Variants in LOC400499 observed in about 807,000 individuals in gnomAD.
chr16:11,373,622 G>C, the LOC400499 span, among the ~76,000 whole-genome samples: 1 of 151,936 alleles, frequency 6.6e-6, no homozygotes, highest in Admixed American at 6.6e-5. Flanking sequence ...ACCATGCCCA[G>C]CTATTTATAT....
At chr16:11,463,770 T>C in the LOC400499 span, among the ~76,000 whole-genome samples, 6 of 152,188 alleles carry the variant, frequency 3.9e-5, no homozygotes, top group Non-Finnish European at 8.8e-5. Flanking sequence ...TATATGAACG[T>C]ATATACAGAT....
the LOC400499 span, among the ~76,000 whole-genome samples, chr16:11,486,404 GTGAATAGA>G: frequency 1.0e-5 from 1 of 100,246 alleles, no homozygotes; most frequent in African/African-American, 4.6e-5. Flanking sequence ...AATGGATTGA[GTGAATAGA>G]TGGATGGATG....
At chr16:11,390,608 G>A in the LOC400499 span, 2 of 609,486 alleles carry the variant, frequency 3.3e-6, no homozygotes, top group Non-Finnish European at 4.8e-6. Context: ...CAGAGCAGTG[G>A]CACTGGAGAT....
the LOC400499 span, among the ~76,000 whole-genome samples, chr16:11,509,965 A>G: frequency 6.8e-6 from 1 of 146,348 alleles, no homozygotes; most frequent in Non-Finnish European, 1.5e-5. Flanking sequence ...GAGAGGGGGG[A>G]CTCATTTTAA....
At chr16:11,455,741 GAAA>G in the LOC400499 span, among the ~76,000 whole-genome samples, 1 of 131,744 alleles carries the variant, frequency 7.6e-6, no homozygotes, top group Non-Finnish European at 1.6e-5. Context: ...TCTCAAAAAA[GAAA>G]AAAAAAAAAA....
the LOC400499 span, among the ~76,000 whole-genome samples, chr16:11,426,987 A>G: frequency 1.5e-3 from 224 of 145,484 alleles, 1 homozygote; most frequent in African/African-American, 6.0e-3. Context: ...AATAAAAGAC[A>G]AACAATTTAA....
chr16:11,475,539 A>T, the LOC400499 span: 2 of 397,610 alleles, frequency 5.0e-6, no homozygotes, highest in Admixed American at 8.8e-5. Context: ...GCAGGAGAGC[A>T]ACTCTGGGAT....
the LOC400499 span, among the ~76,000 whole-genome samples, chr16:11,486,040 T>C: frequency 5.3e-5 from 8 of 150,970 alleles, no homozygotes; most frequent in African/African-American, 1.7e-4. Context: ...GGTAAATGGA[T>C]TGAGTGAATA....
chr16:11,388,768 C>T, the LOC400499 span, among the ~76,000 whole-genome samples: 1 of 152,240 alleles, frequency 6.6e-6, no homozygotes, highest in South Asian at 2.1e-4. Context: ...CTCTCCCTTG[C>T]AGGCATTCTG....
At chr16:11,383,723 G>A in the LOC400499 span, 12 of 1,232,346 alleles carry the variant, frequency 9.7e-6, no homozygotes, top group African/African-American at 1.7e-4. Flanking sequence ...CAGGCAGGCT[G>A]GAGCTCCTGG....
chr16:11,434,860 C>T, the LOC400499 span, among the ~76,000 whole-genome samples: 1 of 152,200 alleles, frequency 6.6e-6, no homozygotes, highest in African/African-American at 2.4e-5. Flanking sequence ...GGCTCCTGAG[C>T]ACCCCACCAT....
chr16:11,385,524 C>T, the LOC400499 span: 1 of 728,114 alleles, frequency 1.4e-6, no homozygotes, highest in Non-Finnish European at 1.9e-6. Flanking sequence ...TTGGCTTAGC[C>T]TGCCCTGAGG....
At chr16:11,468,278 T>A in the LOC400499 span, among the ~76,000 whole-genome samples, 8 of 152,174 alleles carry the variant, frequency 5.3e-5, no homozygotes, top group East Asian at 9.6e-4. Flanking sequence ...CTGCAGGAAA[T>A]TTGGGACATG....
At chr16:11,400,031 C>T in the LOC400499 span, among the ~76,000 whole-genome samples, 125 of 149,560 alleles carry the variant, frequency 8.4e-4, no homozygotes, top group African/African-American at 2.9e-3. Context: ...CAGAGCCATT[C>T]CCAGGCTGGA....
chr16:11,460,441 C>T, the LOC400499 span: 1 of 1,495,520 alleles, frequency 6.7e-7, no homozygotes, highest in East Asian at 2.5e-5. Flanking sequence ...GACTCTAGTG[C>T]TCTCTCCGGA....
chr16:11,525,266 TG>T, the LOC400499 span, among the ~76,000 whole-genome samples: 2 of 140,600 alleles, frequency 1.4e-5, no homozygotes, highest in African/African-American at 5.4e-5. Flanking sequence ...TATTCCAGCC[TG>T]GGTAGCAGAG....
the LOC400499 span, chr16:11,372,066 C>T: frequency 1.3e-5 from 2 of 152,224 alleles, no homozygotes; most frequent in Non-Finnish European, 1.5e-5. Flanking sequence ...GAAAAAGTTA[C>T]ATTCCCAAAA....
chr16:11,394,995 T>G, the LOC400499 span, among the ~76,000 whole-genome samples: 4,284 of 152,322 alleles, frequency 0.028, 220 homozygotes, highest in African/African-American at 0.097. Context: ...TGCAGAAGCA[T>G]GTCGATCTCT....
the LOC400499 span, among the ~76,000 whole-genome samples, chr16:11,379,381 C>A: frequency 1.8e-4 from 28 of 152,200 alleles, no homozygotes; most frequent in African/African-American, 6.5e-4. Flanking sequence ...ATAACTGTTA[C>A]ATCTTTTTGG....
Sources: gnomAD v4.1 joint callset for allele counts (sites outside exome capture counted in the v4.1 genomes callset) on GRCh38, gnomAD v4.1.1 for gene constraint, MANE v1.5 for transcripts.